Variants in FDFT1 observed in about 807,000 individuals in gnomAD.
FDFT1 encodes farnesyl-diphosphate farnesyltransferase 1, also known as squalene synthase.
In FDFT1, 68 loss-of-function variants were observed where a neutral mutation model predicts 46.8. The ratio of observed to expected loss-of-function variants is 1.45; its 90% CI spans 1.19 to 1.78. FDFT1 has a LOEUF of 1.78. FDFT1 is among the 40% of genes most tolerant of loss of function. The pLI, the probability that FDFT1 is intolerant of heterozygous loss-of-function variation, is 0.00. For missense variants in FDFT1, 928 were observed against 524.4 expected, an observed-to-expected ratio of 1.77 and a Z score of -7.52; for synonymous variants, 351 against 185.1, an observed-to-expected ratio of 1.90 and a Z score of -7.28.
At chr8:11,812,831 TC>T in intron 3 of FDFT1, among the ~76,000 whole-genome samples, 1 of 152,300 alleles carries the variant, frequency 6.6e-6, no homozygotes, top group South Asian at 2.1e-4. Flanking sequence ...TGATACCAGT[TC>T]AAGTCAGGCT....
intron 7 of FDFT1, among the ~76,000 whole-genome samples, chr8:11,834,604 A>G (rs528875850): frequency 6.6e-6 from 1 of 152,182 alleles, no homozygotes; most frequent in Non-Finnish European, 1.5e-5. Context: ...GTATCGAATC[A>G]GAATCTGCCT....
intron 4 of FDFT1, among the ~76,000 whole-genome samples, chr8:11,824,747 T>C: frequency 6.6e-6 from 1 of 152,086 alleles, no homozygotes; most frequent in Non-Finnish European, 1.5e-5. Flanking sequence ...TCTGTTGTTG[T>C]TGTTTTGAGA....
At chr8:11,816,270 G>A (rs978061508) in intron 3 of FDFT1, among the ~76,000 whole-genome samples, 1 of 152,188 alleles carries the variant, frequency 6.6e-6, no homozygotes. Flanking sequence ...GGTTACTGTA[G>A]CCTTGTAGTA....
At chr8:11,797,196 G>C (rs1433086084) in intron 1 of FDFT1, among the ~76,000 whole-genome samples, 1 of 152,170 alleles carries the variant, frequency 6.6e-6, no homozygotes, top group Non-Finnish European at 1.5e-5. Context: ...AATTTGGTCG[G>C]CTGTCTGAAC....
At chr8:11,830,765 A>T (rs1228238054) in intron 6 of FDFT1, among the ~76,000 whole-genome samples, 1 of 152,216 alleles carries the variant, frequency 6.6e-6, no homozygotes, top group Non-Finnish European at 1.5e-5. Flanking sequence ...TTATCATTAA[A>T]AAGTCTTCAT....
At chr8:11,829,649 C>T (rs895260256) in intron 5 of FDFT1, among the ~76,000 whole-genome samples, 3 of 152,136 alleles carry the variant, frequency 2.0e-5, no homozygotes, top group East Asian at 1.9e-4. Flanking sequence ...AGCCTGAATT[C>T]GTCCAAGTAG....
intron 5 of FDFT1, among the ~76,000 whole-genome samples, chr8:11,828,132 T>A (rs999178914): frequency 9.9e-5 from 15 of 151,166 alleles, no homozygotes; most frequent in Admixed American, 9.2e-4. Flanking sequence ...AAAAAAAAAA[T>A]CAAAAATTAG....
chr8:11,812,286 C>G (rs1041738789), intron 3 of FDFT1, among the ~76,000 whole-genome samples: 1 of 152,222 alleles, frequency 6.6e-6, no homozygotes, highest in African/African-American at 2.4e-5. Flanking sequence ...CAGTCTATTT[C>G]CTAAGGTCAG....
upstream of FDFT1, among the ~76,000 whole-genome samples, chr8:11,801,115 TAGTC>T (rs773056660): frequency 1.3e-5 from 2 of 152,092 alleles, no homozygotes; most frequent in Non-Finnish European, 2.9e-5. Flanking sequence ...GCACAGGAGT[TAGTC>T]AAGCCAGTAT....
intron 7 of FDFT1, among the ~76,000 whole-genome samples, chr8:11,832,576 A>T (rs2645401): frequency 0.13 from 17,829 of 134,264 alleles, 1,512 homozygotes; most frequent in African/African-American, 0.18. Context: ...AAAAAAAAAA[A>T]GTCTTAGAGA....
chr8:11,828,964 C>G (rs1395526734), intron 5 of FDFT1, among the ~76,000 whole-genome samples: 13 of 152,118 alleles, frequency 8.5e-5, no homozygotes, highest in Admixed American at 8.5e-4. Flanking sequence ...GTACTGTGTA[C>G]ATTTGCATAT....
At chr8:11,800,507 T>C (rs1177082024), upstream of FDFT1, among the ~76,000 whole-genome samples, 3 of 152,080 alleles carry the variant, frequency 2.0e-5, no homozygotes, top group African/African-American at 7.2e-5. Flanking sequence ...CTTAGAAGTT[T>C]TTAAAAGAGG....
rs959490008 is a variant in FDFT1 at position 11,839,256 on chromosome 8, A to G, written c.*647A>G. On this transcript the variant is annotated 3_prime_UTR_variant, in exon 8 of 8. Coordinates refer to ENST00000220584, the MANE Select transcript of FDFT1 (RefSeq NM_004462.5). ...GAAGATTGGTCTCCAGTAAAGGTGG[A>G]CATTTTTGAGATTTTTATAATAAAG... 6.6e-6 allele frequency: 1 copy of G among 152,480 alleles called. No individual in the cohort carries two copies. The highest frequency in any genetic ancestry group is 2.4e-5 in the African/African-American group (1 of 41,444). The allele number at this position is 152,480 out of a possible 1,614,324, so 9.4% of individuals were successfully genotyped here.
At chr8:11,799,722 C>T (rs542067690), upstream of FDFT1, among the ~76,000 whole-genome samples, 4 of 151,164 alleles carry the variant, frequency 2.6e-5, no homozygotes, top group East Asian at 2.0e-4. Context: ...CTGAGGCGGG[C>T]GGATCACGAG....
chr8:11,835,971 T>TAAAAAAAAAAAAAAAAAAAAAAAAAA (rs755611965), intron 7 of FDFT1, among the ~76,000 whole-genome samples: 3 of 64,608 alleles, frequency 4.6e-5, no homozygotes, highest in African/African-American at 1.5e-4. Context: ...CTGTCTCTAC[T>TAAAAAAAAAAAAAAAAAAAAAAAAAA]AAAAAAAAAA....
intron 1 of FDFT1, among the ~76,000 whole-genome samples, chr8:11,804,170 C>G (rs1348444909): frequency 6.6e-6 from 1 of 152,140 alleles, no homozygotes; most frequent in East Asian, 1.9e-4. Flanking sequence ...TTTAAGAAAG[C>G]GAATGTACAG....
At chr8:11,797,530 G>C (rs923211568), upstream of FDFT1, among the ~76,000 whole-genome samples, 3 of 7,710 alleles carry the variant, frequency 3.9e-4, no homozygotes, top group Non-Finnish European at 4.7e-3. Flanking sequence ...TGCATTTAAA[G>C]AACAGATAAT....
intron 1 of FDFT1, 123 bp downstream of exon 1, chr8:11,803,054 GT>G (rs1176746269): frequency 4.8e-6 from 7 of 1,462,482 alleles, no homozygotes; most frequent in Non-Finnish European, 6.3e-6. Flanking sequence ...ACGCCTGGGT[GT>G]TCCCGTCCCC....
intron 1 of FDFT1, 163 bp downstream of exon 1, chr8:11,803,094 C>T: frequency 1.4e-6 from 2 of 1,438,302 alleles, no homozygotes; most frequent in Middle Eastern, 2.5e-4. Flanking sequence ...CCTGTAGGGC[C>T]CGGGTGGACG....
Sources: gnomAD v4.1 joint callset for allele counts (sites outside exome capture counted in the v4.1 genomes callset) on GRCh38, gnomAD v4.1.1 for gene constraint, MANE v1.5 for transcripts, NCBI Gene and HGNC (gene_info 2026-07-23, HGNC 2026-07-21) for gene names.